Variants in POF1B observed in about 807,000 individuals in gnomAD.
The protein encoded by POF1B is POF1B actin binding protein, also known as protein POF1B.
In POF1B, 53 loss-of-function variants were observed where a neutral mutation model predicts 55.3. The observed-to-expected ratio is 0.96, with a 90% CI of 0.77 to 1.20. The LOEUF is 1.20. POF1B is among the 50% of genes most tolerant of loss of function. POF1B has a pLI of 0.00. For synonymous variants in POF1B, 188 were observed against 148.3 expected, an observed-to-expected ratio of 1.27 and a Z score of -1.95; for missense variants, 478 against 420.5, an observed-to-expected ratio of 1.14 and a Z score of -1.20.
At chrX:85,326,405 G>T (rs1443005445) in intron 7 of POF1B, among the ~76,000 whole-genome samples, 1 of 110,160 alleles carries the variant, frequency 9.1e-6, no homozygotes. Flanking sequence ...TCACACAGGC[G>T]GCAGCTACTG....
chrX:85,307,046 A>G (rs1283799375), intron 11 of POF1B, 117 bp downstream of exon 11: 2 of 588,715 alleles, frequency 3.4e-6, no homozygotes, highest in East Asian at 7.8e-5. Context: ...CATATGAACA[A>G]ATTTTTCCAT....
intron 7 of POF1B, 127 bp downstream of exon 7, chrX:85,330,822 A>C: frequency 7.7e-6 from 5 of 653,342 alleles, no homozygotes; most frequent in Non-Finnish European, 1.1e-5. Context: ...TATAATTAAA[A>C]AAAATAAAAT....
At chrX:85,338,579 A>G (rs774325113) in intron 6 of POF1B, among the ~76,000 whole-genome samples, 1 of 112,042 alleles carries the variant, frequency 8.9e-6, no homozygotes, top group South Asian at 3.6e-4. Context: ...TTCTTGTACT[A>G]CAAAGTGAGT....
intron 4 of POF1B, among the ~76,000 whole-genome samples, chrX:85,352,335 T>C (rs775157340): frequency 9.0e-6 from 1 of 111,246 alleles, no homozygotes; most frequent in East Asian, 2.9e-4. Context: ...GGGAATACTA[T>C]AGAAGACCAT....
intron 3 of POF1B, among the ~76,000 whole-genome samples, chrX:85,361,208 G>A (rs147660314): frequency 8.9e-6 from 1 of 111,736 alleles, no homozygotes; most frequent in Non-Finnish European, 1.9e-5. Context: ...TTCCTTTAAC[G>A]TGCAGAAGCT....
chrX:85,295,813 T>C lies in POF1B; in HGVS notation c.1649+7593A>G, dbSNP rs939029605. The stretch of plus-strand genomic sequence containing the variant: ...TCAGTGATCTCTCTTATGTTGTCAG[T>C]GGGGTGTTGCAGTCTCCCATTGTTA... On this transcript the variant is annotated intron_variant, in intron 15 of 16. Transcript: ENST00000262753. 3.6e-5 allele frequency among the ~76,000 whole-genome samples: 4 copies of C among 112,008 alleles called. No individual in the cohort carries two copies. In the Admixed American group the frequency reaches 3.8e-4, roughly 11 times the overall value.
chrX:85,355,148 A>G (rs1318266070), intron 4 of POF1B, among the ~76,000 whole-genome samples: 1 of 111,579 alleles, frequency 9.0e-6, no homozygotes, highest in East Asian at 2.8e-4. Context: ...CTCAGAAATA[A>G]TACCACACAT....
At chrX:85,317,070 G>T (rs1932793913) in intron 7 of POF1B, among the ~76,000 whole-genome samples, 1 of 109,972 alleles carries the variant, frequency 9.1e-6, no homozygotes, top group Admixed American at 9.7e-5. Context: ...CTTTTATATG[G>T]CTATATACTA....
At chrX:85,350,612 A>T (rs1477045885) in intron 5 of POF1B, among the ~76,000 whole-genome samples, 3 of 111,274 alleles carry the variant, frequency 2.7e-5, no homozygotes, top group African/African-American at 9.8e-5. Flanking sequence ...CACCACATTG[A>T]CTTCCACAAT....
chrX:85,291,456 T>G (rs1351544777), intron 15 of POF1B, among the ~76,000 whole-genome samples: 1 of 112,313 alleles, frequency 8.9e-6, no homozygotes, highest in African/African-American at 3.2e-5. Context: ...AAAGTTTTTC[T>G]GTAGTTCTGT....
chrX:85,311,611 C>G (rs1932699720), intron 9 of POF1B, among the ~76,000 whole-genome samples: 1 of 111,748 alleles, frequency 8.9e-6, no homozygotes, highest in African/African-American at 3.3e-5. Flanking sequence ...TGGGTTGGTT[C>G]CAAGTCTTTG....
intron 15 of POF1B, among the ~76,000 whole-genome samples, chrX:85,298,111 TGGC>T (rs1698086361): frequency 8.9e-6 from 1 of 112,245 alleles, no homozygotes; most frequent in Non-Finnish European, 1.9e-5. Context: ...GCAGGGCCAC[TGGC>T]AAGACTGTCA....
At position 85,359,645 on chromosome X, in the gene POF1B, C is replaced by A. The variant is rs371191060; in HGVS notation, c.358-15G>T. 1.1e-4 allele frequency: 128 copies of A among 1,115,148 alleles called. No individual in the cohort carries two copies. The highest frequency in any genetic ancestry group is 1.5e-4 in the Non-Finnish European group (123 of 816,155). 91.9% of individuals were successfully genotyped at this position (1,115,148 alleles called of 1,213,427 possible). On this transcript the variant is annotated splice_polypyrimidine_tract_variant and intron_variant, in intron 3 of 16. Transcript: ENST00000262753. ...GAATGAAGTTCCTGTGAAGAAAAGA[C>A]AAAAGCTGGATATAATCATAGTTAT...
At chrX:85,335,210 G>C (rs1207636337) in intron 6 of POF1B, among the ~76,000 whole-genome samples, 5 of 111,470 alleles carry the variant, frequency 4.5e-5, no homozygotes, top group Non-Finnish European at 9.5e-5. Flanking sequence ...CTCCTAAAAG[G>C]TCATGAAAAT....
intron 15 of POF1B, 52 bp from the exon 16 acceptor site, chrX:85,282,369 A>G (rs1181139473): frequency 2.2e-6 from 2 of 893,102 alleles, no homozygotes; most frequent in Non-Finnish European, 3.0e-6. Context: ...AATAACTTTC[A>G]TTCCTTTTTA....
chrX:85,304,118 A>C (rs1295282969), intron 14 of POF1B, among the ~76,000 whole-genome samples: 1 of 111,528 alleles, frequency 9.0e-6, no homozygotes, highest in Non-Finnish European at 1.9e-5. Flanking sequence ...AAAAATATTA[A>C]ATGTATAACA....
intron 3 of POF1B, among the ~76,000 whole-genome samples, chrX:85,363,711 A>G (rs1344788593): frequency 3.6e-5 from 4 of 111,556 alleles, no homozygotes; most frequent in African/African-American, 1.3e-4. Context: ...GATGAGAAGA[A>G]TGTATATTAT....
At chrX:85,339,822 GT>G (rs1170356664) in intron 6 of POF1B, among the ~76,000 whole-genome samples, 2 of 111,479 alleles carry the variant, frequency 1.8e-5, no homozygotes, top group Non-Finnish European at 3.8e-5. Context: ...AGAATCAGAA[GT>G]TTGCTGAAGG....
At chrX:85,319,909 T>C (rs1170620300) in intron 7 of POF1B, among the ~76,000 whole-genome samples, 1 of 111,470 alleles carries the variant, frequency 9.0e-6, no homozygotes, top group African/African-American at 3.3e-5. Flanking sequence ...GGAGTACCTC[T>C]TTCTTATTTT....
Sources: gnomAD v4.1 joint callset for allele counts (sites outside exome capture counted in the v4.1 genomes callset) on GRCh38, gnomAD v4.1.1 for gene constraint, MANE v1.5 for transcripts, NCBI Gene and HGNC (gene_info 2026-07-23, HGNC 2026-07-21) for gene names.